Variants in DCUN1D2 observed in about 807,000 individuals in gnomAD.
The protein encoded by DCUN1D2 is DCN1-like protein 2.
Under a neutral mutation model 30.9 loss-of-function variants are expected in DCUN1D2, and 29 were observed. The observed-to-expected ratio is 0.94, with a 90% CI of 0.70 to 1.28. The LOEUF is 1.28. Among genes scored for constraint, DCUN1D2 ranks in the 50% most tolerant of loss-of-function variants. DCUN1D2 has a pLI of 0.00. For missense variants in DCUN1D2, 325 were observed against 316.9 expected (o/e 1.03, Z -0.19); for synonymous variants, 121 against 115.3 (o/e 1.05, Z -0.32).
rs765516110 is a variant in DCUN1D2, at chr13:113,480,751, T to C, written c.221-8A>G. ...TGTTTTCATCTTGTGGATCTGTAGT[T>C]AATATCAGGGGAAAAGGAAGTTATA... is the stretch of plus-strand genomic sequence containing the variant. On this transcript the variant is annotated splice_region_variant and splice_polypyrimidine_tract_variant and intron_variant, in intron 2 of 6. Coordinates refer to ENST00000478244, the MANE Select transcript of DCUN1D2 (RefSeq NM_001014283.2). 1.8e-5 allele frequency: 29 copies of C among 1,613,028 alleles called. No homozygotes were observed. The South Asian group carries it at 3.0e-4, about 17-fold the overall frequency.
rs756726772 is a variant in DCUN1D2 at position 113,483,879 on chromosome 13, C to G, written c.181G>C (p.Asp61His). 1.2e-6 allele frequency: 2 copies of G among 1,613,336 alleles called. No homozygotes were observed. Among genetic ancestry groups the G allele is most frequent in the South Asian group, 1.1e-5 (1 of 91,028 alleles). Residue 61 changes from aspartate (D) to histidine (H), a missense_variant, in exon 2 of 7, where the codon GAC (aspartate) becomes CAC (histidine). Physicochemically the swap from Asp to His is moderately conservative, Grantham distance 81 (BLOSUM62 -1). Coordinates refer to ENST00000478244, the MANE Select transcript of DCUN1D2 (RefSeq NM_001014283.2). ...LHRESMRNAV[D>H]KKKLERLYGR... ...TACAGCCGCTCCAGCTTCTTCTTGT[C>G]CACAGCGTTCCGCATGGACTCCCTG...
In DCUN1D2 at chr13:113,459,294, A is replaced by T. The variant is rs1277905605; in HGVS notation, c.700+18T>A. 4.2e-6 allele frequency: 6 copies of T among 1,413,396 alleles called. No homozygotes were observed. Among genetic ancestry groups the T allele is most frequent in the Non-Finnish European group, 6.0e-6 (6 of 996,938 alleles). The allele number at this position is 1,413,396 out of a possible 1,614,324, so 87.6% of individuals were successfully genotyped here. A position where few individuals can be genotyped will look rare whatever the true frequency, so the allele number is the denominator to read the frequency against. On this transcript the variant is annotated intron_variant, in intron 6 of 6. Coordinates refer to ENST00000478244, the MANE Select transcript of DCUN1D2 (RefSeq NM_001014283.2). Reference sequence around the variant, plus strand: ...TGTAAGCATTTCGGTCAATCATCTGAAGCACAACTTCCGGTACCTTCTTCA... The same window carrying T: ...TGTAAGCATTTCGGTCAATCATCTGTAGCACAACTTCCGGTACCTTCTTCA...
chr13:113,459,312 CT>C lies in DCUN1D2; in HGVS notation c.699del (p.Gly234GlufsTer7). ...IADDMSNYDE[E>X]GAWPVLIDDF... Reference sequence around the variant, plus strand: ...TCATCTGAAGCACAACTTCCGGTACCTTCTTCATCGTAGTTAGACATATCAT... The same window carrying C: ...TCATCTGAAGCACAACTTCCGGTACCTCTTCATCGTAGTTAGACATATCAT... On this transcript the variant is annotated frameshift_variant and splice_region_variant, in exon 6 of 7. Transcript: ENST00000478244. LOFTEE classifies it low-confidence loss of function (END_TRUNC). The C allele has an allele frequency of 6.5e-7, 1 of 1,548,588 alleles. No individual in the cohort carries two copies. The highest frequency in any genetic ancestry group is 8.9e-7 in the Non-Finnish European group (1 of 1,120,544).
intron 4 of DCUN1D2, among the ~76,000 whole-genome samples, chr13:113,464,986 A>T (rs113257214): frequency 8.5e-5 from 13 of 152,360 alleles, no homozygotes; most frequent in African/African-American, 3.1e-4. Context: ...CAAGTTAACA[A>T]GGCATTATAA....
At chr13:113,470,686 GCAACTCCACAGGGGACC>G (rs1326801745) in intron 4 of DCUN1D2, among the ~76,000 whole-genome samples, 1 of 89,490 alleles carries the variant, frequency 1.1e-5, no homozygotes, top group African/African-American at 4.5e-5. Flanking sequence ...CACAGGGGAC[GCAACTCCACAGGGGACC>G]CAACTCCACA....
intron 4 of DCUN1D2, among the ~76,000 whole-genome samples, chr13:113,467,591 C>A (rs892380654): frequency 4.0e-5 from 6 of 151,770 alleles, no homozygotes; most frequent in African/African-American, 1.5e-4. Context: ...GGCCACTATT[C>A]AGAAAACAGC....
intron 4 of DCUN1D2, among the ~76,000 whole-genome samples, chr13:113,468,722 C>T (rs967270992): frequency 2.6e-5 from 4 of 152,080 alleles, no homozygotes; most frequent in Non-Finnish European, 4.4e-5. Context: ...CCTGAATCTG[C>T]GCATAAAAGC....
In DCUN1D2 at chr13:113,490,026, A is replaced by C. The variant is rs561175461; in HGVS notation, c.3+641T>G. Among the ~76,000 whole-genome samples, 125 of 152,208 alleles carry C rather than the reference A, an allele frequency of 8.2e-4. No homozygotes were observed. The highest frequency in any genetic ancestry group is 2.8e-3 in the African/African-American group (116 of 41,542). ...GCCTCTGAACCGATGTGGACTGAATAAATCCCATCCATCACCATTTCCACC... is the reference window on the plus strand; with the variant it reads ...GCCTCTGAACCGATGTGGACTGAATCAATCCCATCCATCACCATTTCCACC... On this transcript the variant is annotated intron_variant, in intron 1 of 6. Coordinates refer to ENST00000478244, the MANE Select transcript of DCUN1D2 (RefSeq NM_001014283.2). This position sits in a 1 kb window ranked among gnomAD's most constrained non-coding sequence, Gnocchi z 5.2.
chr13:113,484,099 C>A, intron 1 of DCUN1D2, 43 bp from the exon 2 acceptor site: 1 of 1,607,880 alleles, frequency 6.2e-7, no homozygotes, highest in South Asian at 1.1e-5. Flanking sequence ...GAAGCCGCTC[C>A]AGGTTTGTCC....
At chr13:113,473,024 C>G (rs943315577) in intron 4 of DCUN1D2, among the ~76,000 whole-genome samples, 1 of 139,946 alleles carries the variant, frequency 7.1e-6, no homozygotes, top group Non-Finnish European at 1.6e-5. Context: ...CTCTCTATCC[C>G]GTGTCTCTGC....
chr13:113,473,953 T>C (rs571756004), intron 4 of DCUN1D2, among the ~76,000 whole-genome samples, 171 bp downstream of exon 4: 47 of 152,282 alleles, frequency 3.1e-4, no homozygotes, highest in Admixed American at 1.3e-3. Flanking sequence ...TGCAGTGAGC[T>C]GTGATTGCAC....
rs888603806 is a variant in DCUN1D2 at position 113,457,825 on chromosome 13, C to A, written c.*204G>T. The A allele has an allele frequency of 1.7e-6, 1 of 576,320 alleles. No homozygotes were observed. The highest frequency in any genetic ancestry group is 3.1e-6 in the Non-Finnish European group (1 of 319,338). The allele number at this position is 576,320 out of a possible 1,614,324, so 35.7% of individuals were successfully genotyped here. A position where few individuals can be genotyped will look rare whatever the true frequency, so the allele number is the denominator to read the frequency against. Reference sequence around the variant, plus strand: ...TATGATGACAAATCTCCAAACATCCCAAAGCAGCCGTGTCCCGAGGAACTT... The same window carrying A: ...TATGATGACAAATCTCCAAACATCCAAAAGCAGCCGTGTCCCGAGGAACTT... On this transcript the variant is annotated 3_prime_UTR_variant, in exon 7 of 7. Coordinates refer to ENST00000478244, the MANE Select transcript of DCUN1D2 (RefSeq NM_001014283.2).
In DCUN1D2 at chr13:113,472,054, G is replaced by A. The variant is rs141802982; in HGVS notation, c.520+2070C>T. 5.0e-3 allele frequency among the ~76,000 whole-genome samples: 714 copies of A among 143,732 alleles called. 3 individuals carry two copies. Among genetic ancestry groups the A allele is most frequent in the African/African-American group, 0.016 (654 of 40,040 alleles). 94.3% of individuals were successfully genotyped at this position (143,732 alleles called of 152,430 possible). On this transcript the variant is annotated intron_variant, in intron 4 of 6. Coordinates refer to ENST00000478244, the MANE Select transcript of DCUN1D2 (RefSeq NM_001014283.2). ...CCCCAACCCCGCCCTTTTCTTTTCC[G>A]CTACTCACAGTAATTCTACTGGTGG...
intron 4 of DCUN1D2, among the ~76,000 whole-genome samples, chr13:113,470,995 A>G (rs868865760): frequency 6.1e-5 from 9 of 146,478 alleles, no homozygotes; most frequent in African/African-American, 2.3e-4. Context: ...AGAGGACCCA[A>G]CTCCACAGGG....
Position 113,471,899 on chromosome 13 carries a change from T to C in DCUN1D2, c.520+2225A>G, listed in dbSNP as rs147356137. 9.6e-3 allele frequency among the ~76,000 whole-genome samples: 1,467 copies of C among 152,202 alleles called. 16 individuals carry two copies. The highest frequency in any genetic ancestry group is 0.034 in the African/African-American group (1,394 of 41,514). On this transcript the variant is annotated intron_variant, in intron 4 of 6. Transcript: ENST00000478244. ...AGAGAGACGTCAACAGAAGCCCTGG[T>C]GATGAGCAGGGGCTGCTGGGGAACA...
rs754084443 is a variant in DCUN1D2, at chr13:113,480,620, C to T, written c.344G>A (p.Cys115Tyr). The change falls in exon 3 of 7, where the codon TGT (cysteine) becomes TAT (tyrosine). Residue 115 changes from cysteine to tyrosine, a missense_variant. Transcript: ENST00000478244. ...IAWKFRAATQ[C>Y]EFSRKEFLDG... ...TAGAAATTCCTTTCTGCTAAATTCA[C>T]ACTGAGTTGCTGCCCTGAACTTCCA... 21 of 1,614,100 alleles carry T rather than the reference C, an allele frequency of 1.3e-5. No homozygotes were observed. The highest frequency in any genetic ancestry group is 1.7e-5 in the Non-Finnish European group (20 of 1,180,014).
intron 4 of DCUN1D2, among the ~76,000 whole-genome samples, chr13:113,473,487 G>T (rs2044560163): frequency 6.6e-6 from 1 of 152,226 alleles, no homozygotes; most frequent in Non-Finnish European, 1.5e-5. Context: ...CGCAAAAGTG[G>T]GCTGAATTGT....
At chr13:113,479,384 T>TATC (rs2044669121) in intron 3 of DCUN1D2, among the ~76,000 whole-genome samples, 1 of 152,204 alleles carries the variant, frequency 6.6e-6, no homozygotes, top group Non-Finnish European at 1.5e-5. Flanking sequence ...TGGTCCTCCT[T>TATC]ATCTGTAGAG....
chr13:113,460,719 A>G (rs2044304759), intron 5 of DCUN1D2, among the ~76,000 whole-genome samples: 1 of 152,220 alleles, frequency 6.6e-6, no homozygotes, highest in African/African-American at 2.4e-5. Flanking sequence ...TCTCAGTGGA[A>G]AGACAGAATT....
Sources: gnomAD v4.1 joint callset for allele counts (sites outside exome capture counted in the v4.1 genomes callset) on GRCh38, gnomAD v4.1.1 for gene constraint, Gnocchi (gnomAD v3.1) non-coding constraint, MANE v1.5 for transcripts, NCBI Gene and HGNC (gene_info 2026-07-23, HGNC 2026-07-21) for gene names.